Variants in MAF observed in about 807,000 individuals in gnomAD.
The protein encoded by MAF is MAF bZIP transcription factor.
A neutral mutation model predicts 22.0 loss-of-function variants in MAF; 10 were observed. The observed-to-expected ratio is 0.45, with a 90% CI of 0.28 to 0.77. MAF has a LOEUF of 0.77. Among genes scored for constraint, MAF ranks in the 30% least tolerant of loss-of-function variants. The pLI is 0.12. For synonymous variants in MAF, 337 were observed against 255.8 expected, an observed-to-expected ratio of 1.32 and a Z score of -3.03; for missense variants, 544 against 548.4, an observed-to-expected ratio of 0.99 and a Z score of 0.08.
chr16:79,257,005 C>T, the MAF span, among the ~76,000 whole-genome samples: 4 of 151,972 alleles, frequency 2.6e-5, no homozygotes, highest in Non-Finnish European at 4.4e-5. Context: ...GATGAAACCC[C>T]GTCTCTACTA....
rs1170535871 is a variant in MAF, at chr16:79,594,381, CA to C, written c.*78del. 7 of 1,261,132 alleles carry C rather than the reference CA, an allele frequency of 5.6e-6. No individual in the cohort carries two copies. The highest frequency in any genetic ancestry group is 1.5e-5 in the African/African-American group (1 of 67,204). 78.1% of individuals were successfully genotyped at this position (1,261,132 alleles called of 1,614,324 possible). On this transcript the variant is annotated 3_prime_UTR_variant, in exon 2 of 2. Transcript: ENST00000326043. ...TTTAAAAAGGAGACTAAACAGAAGT[CA>C]GGGGTAGGTGGTTCTCCATGACTGC...
chr16:79,502,381 T>A, the MAF span, among the ~76,000 whole-genome samples: 1 of 152,166 alleles, frequency 6.6e-6, no homozygotes, highest in Non-Finnish European at 1.5e-5. Flanking sequence ...TAAAGACTCA[T>A]CAGGCTAGGC....
chr16:79,445,041 T>C, the MAF span, among the ~76,000 whole-genome samples: 1 of 152,066 alleles, frequency 6.6e-6, no homozygotes, highest in African/African-American at 2.4e-5. Flanking sequence ...ATTTATTTAT[T>C]TATTTTTTTT....
the MAF span, among the ~76,000 whole-genome samples, chr16:79,461,136 T>C: frequency 3.9e-5 from 6 of 152,196 alleles, no homozygotes; most frequent in Admixed American, 3.9e-4. Flanking sequence ...TTAGAGCTTA[T>C]GTGTGTTTTG....
chr16:79,292,705 G>C, the MAF span, among the ~76,000 whole-genome samples: 8 of 152,144 alleles, frequency 5.3e-5, no homozygotes, highest in African/African-American at 1.9e-4. Context: ...TACAAGGTTA[G>C]CACAAGATAC....
At chr16:79,517,368 T>C in the MAF span, among the ~76,000 whole-genome samples, 2 of 152,208 alleles carry the variant, frequency 1.3e-5, no homozygotes, top group African/African-American at 4.8e-5. Context: ...ACTTTGTCAT[T>C]GTGCTGTTTC....
At chr16:79,474,843 C>T in the MAF span, among the ~76,000 whole-genome samples, 2 of 152,118 alleles carry the variant, frequency 1.3e-5, no homozygotes, top group Admixed American at 1.3e-4. Flanking sequence ...ATGTCTAGAG[C>T]CTGTTGCCAT....
At chr16:79,210,487 C>A in the MAF span, among the ~76,000 whole-genome samples, 4 of 152,098 alleles carry the variant, frequency 2.6e-5, no homozygotes, top group East Asian at 3.9e-4. Context: ...CCATTTCCCC[C>A]ACAATCAAAG....
chr16:79,530,028 G>C, the MAF span, among the ~76,000 whole-genome samples: 1 of 152,162 alleles, frequency 6.6e-6, no homozygotes, highest in East Asian at 1.9e-4. Context: ...TGTTTATCAA[G>C]TGTCAGGAGA....
the MAF span, among the ~76,000 whole-genome samples, chr16:79,538,875 GAAA>G: frequency 2.9e-5 from 1 of 34,488 alleles, no homozygotes; most frequent in Non-Finnish European, 1.1e-4. Flanking sequence ...GAAAAGAAAA[GAAA>G]GAAAGAAAGA....
the MAF span, among the ~76,000 whole-genome samples, chr16:79,422,363 C>T: frequency 6.6e-6 from 1 of 152,110 alleles, no homozygotes; most frequent in South Asian, 2.1e-4. Flanking sequence ...TATTAGTGCT[C>T]CAATAAAATG....
chr16:79,591,771 A>T (rs1481123503), downstream of MAF, among the ~76,000 whole-genome samples: 1 of 152,212 alleles, frequency 6.6e-6, no homozygotes, highest in African/African-American at 2.4e-5. Context: ...TACTGTCACG[A>T]TGTCATAAAA....
chr16:79,446,313 C>G, the MAF span, among the ~76,000 whole-genome samples: 8 of 152,040 alleles, frequency 5.3e-5, no homozygotes, highest in Non-Finnish European at 1.2e-4. Context: ...TTTGAACAGT[C>G]GCTTGTCCTC....
chr16:79,471,352 C>G, the MAF span, among the ~76,000 whole-genome samples: 10 of 152,300 alleles, frequency 6.6e-5, no homozygotes, highest in Non-Finnish European at 1.2e-4. Flanking sequence ...TTCACACTTT[C>G]CAGATGTAAA....
the MAF span, among the ~76,000 whole-genome samples, chr16:79,232,294 G>A: frequency 1.3e-5 from 2 of 152,032 alleles, no homozygotes; most frequent in Admixed American, 6.6e-5. Context: ...TGTGAATTTG[G>A]GGAGATATGA....
the MAF span, among the ~76,000 whole-genome samples, chr16:79,309,497 GT>G: frequency 2.6e-5 from 4 of 152,128 alleles, no homozygotes; most frequent in African/African-American, 9.7e-5. Flanking sequence ...TATGTAAACG[GT>G]TTTGCCCTAG....
chr16:79,246,297 A>G, the MAF span, among the ~76,000 whole-genome samples: 1 of 152,168 alleles, frequency 6.6e-6, no homozygotes, highest in Non-Finnish European at 1.5e-5. Context: ...CTAAATTTAG[A>G]AAAAGAGTCC....
At chr16:79,208,726 CTGA>C in the MAF span, among the ~76,000 whole-genome samples, 1 of 151,934 alleles carries the variant, frequency 6.6e-6, no homozygotes, top group Middle Eastern at 3.4e-3. Context: ...CAGTCTTATT[CTGA>C]TGATATGTAG....
the MAF span, among the ~76,000 whole-genome samples, chr16:79,419,640 C>G: frequency 6.6e-6 from 1 of 152,132 alleles, no homozygotes; most frequent in African/African-American, 2.4e-5. Context: ...AAGAAACAGA[C>G]AAAATGAGAA....
Sources: gnomAD v4.1 joint callset for allele counts (sites outside exome capture counted in the v4.1 genomes callset) on GRCh38, gnomAD v4.1.1 for gene constraint, MANE v1.5 for transcripts, NCBI Gene and HGNC (gene_info 2026-07-23, HGNC 2026-07-21) for gene names.